The following RBMS3 variants were observed in gnomAD, a reference collection of about 807,000 sequenced individuals.
RBMS3 encodes RNA-binding motif, single-stranded-interacting protein 3.
In RBMS3, 27 loss-of-function variants were observed where a neutral mutation model predicts 66.8. The ratio of observed to expected loss-of-function variants is 0.40; its 90% CI spans 0.30 to 0.56. The LOEUF (loss-of-function observed/expected upper bound fraction) is 0.56, where lower values mean the gene tolerates loss of function less well. Ranked by LOEUF, RBMS3 falls within the 20% of genes least tolerant of loss-of-function variation. The pLI is 0.40. For missense variants in RBMS3, 513 were observed against 549.5 expected, an observed-to-expected ratio of 0.93 and a Z score of 0.66; for synonymous variants, 188 against 183.0, an observed-to-expected ratio of 1.03 and a Z score of -0.22.
intron 1 of RBMS3, among the ~76,000 whole-genome samples, chr3:29,356,230 TAACA>T (rs1418433048): frequency 3.3e-5 from 5 of 152,204 alleles, no homozygotes; most frequent in African/African-American, 1.2e-4. Context: ...GGTCTCAGGC[TAACA>T]GTTTCTCTCA....
At chr3:29,698,623 G>GTA (rs200363346) in intron 4 of RBMS3, 25,301 of 984,462 alleles carry the variant, frequency 0.026, 359 homozygotes, top group Middle Eastern at 0.048. Flanking sequence ...GGACAAGTGA[G>GTA]TACAATCATA....
chr3:29,847,392 C>T (rs879302792), intron 6 of RBMS3, among the ~76,000 whole-genome samples: 9 of 152,150 alleles, frequency 5.9e-5, no homozygotes, highest in Non-Finnish European at 1.0e-4. Flanking sequence ...GGTCAGAGTT[C>T]CAATTTCAGC....
At chr3:29,386,911 T>C (rs949482524) in intron 1 of RBMS3, among the ~76,000 whole-genome samples, 2 of 152,242 alleles carry the variant, frequency 1.3e-5, no homozygotes, top group African/African-American at 4.8e-5. Flanking sequence ...CATTCCCATT[T>C]TTCATTTTAC....
intron 4 of RBMS3, among the ~76,000 whole-genome samples, chr3:29,685,160 A>G (rs1034006528): frequency 2.8e-4 from 43 of 151,802 alleles, no homozygotes; most frequent in African/African-American, 9.7e-4. Context: ...CCGGGTTCAC[A>G]CCATTCTCCT....
intron 1 of RBMS3, among the ~76,000 whole-genome samples, chr3:29,351,862 T>C (rs1310530565): frequency 1.3e-5 from 2 of 152,036 alleles, no homozygotes; most frequent in Non-Finnish European, 2.9e-5. Flanking sequence ...TATATTTTAG[T>C]GTAAGCGATG....
chr3:29,940,430 C>A (rs1320281535), intron 11 of RBMS3, among the ~76,000 whole-genome samples: 1 of 151,812 alleles, frequency 6.6e-6, no homozygotes, highest in Non-Finnish European at 1.5e-5. Flanking sequence ...GTTCCAAGGG[C>A]AGAGCAGAGA....
chr3:29,764,703 T>C (rs1051890113), intron 6 of RBMS3, among the ~76,000 whole-genome samples: 2 of 152,050 alleles, frequency 1.3e-5, no homozygotes, highest in Admixed American at 6.6e-5. Context: ...TTTTATTTGG[T>C]TTTCCCCAAT....
intron 1 of RBMS3, among the ~76,000 whole-genome samples, chr3:29,323,539 A>T (rs2035130945): frequency 1.3e-5 from 2 of 152,080 alleles, no homozygotes; most frequent in South Asian, 2.1e-4. Flanking sequence ...ATGCAGGTTT[A>T]ACTCCAGCAC....
chr3:29,623,527 G>A (rs1042623505), intron 4 of RBMS3, among the ~76,000 whole-genome samples: 7 of 149,608 alleles, frequency 4.7e-5, no homozygotes, highest in African/African-American at 1.5e-4. Context: ...GGGAGATGGA[G>A]CTTTTGCAGT....
chr3:29,620,046 T>C (rs2048813097), intron 4 of RBMS3, among the ~76,000 whole-genome samples: 1 of 152,304 alleles, frequency 6.6e-6, no homozygotes, highest in Admixed American at 6.5e-5. Context: ...AAAAATGCTT[T>C]GAATCCTGAG....
intron 1 of RBMS3, among the ~76,000 whole-genome samples, chr3:29,365,451 A>G (rs1310635999): frequency 6.6e-6 from 1 of 152,180 alleles, no homozygotes; most frequent in African/African-American, 2.4e-5. Context: ...AAAGAAGTAA[A>G]GGAAAACAAT....
chr3:29,996,047 G>C (rs1369227529), intron 14 of RBMS3, among the ~76,000 whole-genome samples: 2 of 152,026 alleles, frequency 1.3e-5, no homozygotes, highest in African/African-American at 4.8e-5. Flanking sequence ...GACACACATA[G>C]GCTCAAAATA....
In RBMS3 at chr3:29,944,919, T is replaced by C. The variant is rs1393850312; in HGVS notation, c.1098+665T>C. Among the ~76,000 whole-genome samples, 8 of 151,760 alleles carry C rather than the reference T, an allele frequency of 5.3e-5. No individual in the cohort carries two copies. In the East Asian group the frequency reaches 9.7e-4, roughly 18 times the overall value. Reference sequence around the variant, plus strand: ...CAATATTTCAGTTGTTTCATAAAATTTAGTAGTGCAGTTTGTAATAGGATA... The same window carrying C: ...CAATATTTCAGTTGTTTCATAAAATCTAGTAGTGCAGTTTGTAATAGGATA... On this transcript the variant is annotated intron_variant, in intron 12 of 14. Transcript: ENST00000383767.
At chr3:29,593,319 G>A (rs933393306) in intron 4 of RBMS3, among the ~76,000 whole-genome samples, 4 of 152,118 alleles carry the variant, frequency 2.6e-5, no homozygotes, top group Non-Finnish European at 5.9e-5. Flanking sequence ...GTATAAGATC[G>A]TATTAGTAGT....
In RBMS3 at chr3:29,286,355, G is replaced by A. The variant is rs145070117; in HGVS notation, c.75+4599G>A. Among the ~76,000 whole-genome samples the A allele has an allele frequency of 4.5e-3, 678 of 151,980 alleles. 5 individuals are homozygous for A. Among genetic ancestry groups the A allele is most frequent in the African/African-American group, 0.016 (656 of 41,470 alleles). ...ATCAGTGGGATTGAACACAATCCCA[G>A]TGCATGTTTTGCTATTTTTTTTCCA... On this transcript the variant is annotated intron_variant, in intron 1 of 14. Transcript: ENST00000383767.
chr3:29,511,885 C>T (rs1334599493), intron 3 of RBMS3, among the ~76,000 whole-genome samples: 2 of 152,112 alleles, frequency 1.3e-5, no homozygotes, highest in East Asian at 3.9e-4. Flanking sequence ...TTCAGAGCCA[C>T]TTTGTTAACA....
chr3:29,800,396 A>T (rs2057351702), intron 6 of RBMS3, among the ~76,000 whole-genome samples: 3 of 152,174 alleles, frequency 2.0e-5, no homozygotes, highest in Non-Finnish European at 4.4e-5. Flanking sequence ...GCTTTCTATA[A>T]ATATGTTATT....
At chr3:29,329,064 G>A (rs1000913108) in intron 1 of RBMS3, among the ~76,000 whole-genome samples, 37 of 152,038 alleles carry the variant, frequency 2.4e-4, no homozygotes, top group Admixed American at 2.2e-3. Flanking sequence ...TCTTTACTCC[G>A]AAATGTAAAT....
At chr3:29,464,390 A>T (rs1005631185) in intron 2 of RBMS3, among the ~76,000 whole-genome samples, 5 of 152,182 alleles carry the variant, frequency 3.3e-5, no homozygotes, top group African/African-American at 1.2e-4. Context: ...ACAGCAGAGG[A>T]TAGACTGAGG....
Sources: allele counts gnomAD v4.1 joint callset (sites outside exome capture counted in the v4.1 genomes callset), GRCh38; gene constraint gnomAD v4.1.1; transcripts MANE v1.5; gene names NCBI Gene and HGNC (gene_info 2026-07-23, HGNC 2026-07-21).